Variants in ZNF331 observed in about 807,000 individuals in gnomAD.
ZNF331 encodes C2H2-like zinc finger protein rearranged in thyroid adenomas.
A neutral mutation model predicts 7.0 loss-of-function variants in ZNF331; 2 were observed. The ratio of observed to expected loss-of-function variants is 0.29; its 90% confidence interval spans 0.12 to 0.90. The LOEUF (loss-of-function observed/expected upper bound fraction) is 0.90, where lower values mean the gene tolerates loss of function less well. ZNF331 is among the 40% of genes least tolerant of loss of function. The probability of loss-of-function intolerance (pLI) is 0.58; values close to 1 mark genes in which losing one functional copy is unlikely to be tolerated. For synonymous variants in ZNF331, 196 were observed against 205.4 expected, an observed-to-expected ratio of 0.95 and a Z score of 0.39; for missense variants, 432 against 587.7, an observed-to-expected ratio of 0.74 and a Z score of 2.74.
intron 5 of ZNF331, among the ~76,000 whole-genome samples, chr19:53,575,574 A>T (rs1435576025): frequency 2.0e-5 from 3 of 147,400 alleles, no homozygotes; most frequent in African/African-American, 5.1e-5. Context: ...CCCGGGTTCA[A>T]GCGATTCTCC....
At chr19:53,518,484 C>A (rs1007547918), upstream of ZNF331, among the ~76,000 whole-genome samples, 3 of 152,096 alleles carry the variant, frequency 2.0e-5, no homozygotes, top group African/African-American at 7.2e-5. Flanking sequence ...TTCCTATAGA[C>A]ATATATCCTA....
intron 3 of ZNF331, among the ~76,000 whole-genome samples, chr19:53,559,980 TAC>T (rs1451513129): frequency 1.4e-5 from 2 of 147,400 alleles, no homozygotes; most frequent in African/African-American, 5.0e-5. Context: ...TACACATATA[TAC>T]ACACACCATA....
chr19:53,540,190 C>T (rs1391940489), intron 2 of ZNF331, among the ~76,000 whole-genome samples: 4 of 152,116 alleles, frequency 2.6e-5, no homozygotes, highest in African/African-American at 9.7e-5. Flanking sequence ...TTATTCTTAC[C>T]TTAGTCTGTA....
intron 3 of ZNF331, among the ~76,000 whole-genome samples, chr19:53,567,598 G>A (rs2090218089): frequency 6.6e-6 from 1 of 152,016 alleles, no homozygotes; most frequent in South Asian, 2.1e-4. Flanking sequence ...TATAATCCCA[G>A]CACCTTGGGA....
Position 53,576,807 on chromosome 19 carries a change from T to C in ZNF331, c.247T>C (p.Trp83Arg), listed in dbSNP as rs146144933. 632 of 1,614,012 alleles carry C rather than the reference T, an allele frequency of 3.9e-4. No homozygotes were observed. The highest frequency in any genetic ancestry group is 5.0e-4 in the Non-Finnish European group (592 of 1,180,054). Residue 83 changes from tryptophan to arginine, a missense_variant, in exon 6 of 6, where the codon TGG becomes CGG. Around this residue, in one of 3 missense-constraint regions of ZNF331, gnomAD observed 81 missense variants for 70.3 expected, o/e 1.15. Transcript: ENST00000449416. ...DRRSKSLGRN[W>R]ICEGTLERPQ... ...AAGAAGTAAATCCCTTGGCCGTAAC[T>C]GGATATGTGAAGGTACGCTTGAAAG... is the stretch of plus-strand genomic sequence containing the variant.
At chr19:53,568,629 G>C (rs959357388) in intron 3 of ZNF331, among the ~76,000 whole-genome samples, 2 of 151,976 alleles carry the variant, frequency 1.3e-5, no homozygotes, top group Admixed American at 1.3e-4. Context: ...GCACCAGAGG[G>C]CAAAGGCCAG....
intron 2 of ZNF331, among the ~76,000 whole-genome samples, chr19:53,540,355 C>T (rs1483732353): frequency 1.3e-5 from 2 of 152,158 alleles, no homozygotes; most frequent in African/African-American, 4.8e-5. Flanking sequence ...TGTCCTCTCA[C>T]GGAGGACATG....
In ZNF331 at chr19:53,539,164, T is replaced by C. The variant is rs1188337387; in HGVS notation, c.-204-52T>C. 2 of 152,150 alleles carry C rather than the reference T, an allele frequency of 1.3e-5. No individual in the cohort carries two copies. Among genetic ancestry groups the C allele is most frequent in the African/African-American group, 4.8e-5 (2 of 41,430 alleles). The allele number at this position is 152,150 out of a possible 1,614,324, so 9.4% of individuals were successfully genotyped here. A position where few individuals can be genotyped will look rare whatever the true frequency, so the allele number is the denominator to read the frequency against. On this transcript the variant is annotated intron_variant, in intron 1 of 5. Coordinates refer to ENST00000449416, the MANE Select transcript of ZNF331 (RefSeq NM_001079906.2). The surrounding 1 kb of genome is among the most constrained non-coding windows in gnomAD (Gnocchi z 6.1). The stretch of plus-strand genomic sequence containing the variant: ...CCATCTCGGGGCCTCGTATTTCTCA[T>C]TGGTTTTATTAGGTATGGCAGGTGT...
chr19:53,529,615 C>T (rs886343471), intron 2 of ZNF331, among the ~76,000 whole-genome samples: 2 of 152,214 alleles, frequency 1.3e-5, no homozygotes, highest in African/African-American at 4.8e-5. Flanking sequence ...AGAAAAAATT[C>T]CCTGAATATT....
intron 2 of ZNF331, among the ~76,000 whole-genome samples, chr19:53,543,326 G>A (rs985425156): frequency 6.6e-6 from 1 of 152,144 alleles, no homozygotes; most frequent in African/African-American, 2.4e-5. Flanking sequence ...GTGTAATGGT[G>A]CAATCTTGGT....
At chr19:53,517,073 T>C (rs1195561643), upstream of ZNF331, among the ~76,000 whole-genome samples, 1 of 151,930 alleles carries the variant, frequency 6.6e-6, no homozygotes, top group Admixed American at 6.6e-5. Context: ...CGTGGTAGAG[T>C]AGGCTAAGAT....
intron 3 of ZNF331, among the ~76,000 whole-genome samples, chr19:53,556,242 CAAAAAAAA>C (rs1160118053): frequency 2.4e-5 from 2 of 84,946 alleles, no homozygotes; most frequent in Admixed American, 1.4e-4. Flanking sequence ...GACTCCATCT[CAAAAAAAA>C]AAAAAAAAAA....
intron 3 of ZNF331, among the ~76,000 whole-genome samples, chr19:53,565,509 CT>C (rs1421467924): frequency 6.6e-6 from 1 of 151,746 alleles, no homozygotes. Context: ...CTTTTTTGTC[CT>C]TTATCCTTTT....
chr19:53,544,361 C>T (rs533085547), intron 2 of ZNF331, among the ~76,000 whole-genome samples: 121 of 150,052 alleles, frequency 8.1e-4, no homozygotes, highest in East Asian at 3.6e-3. Context: ...CTGGCTAACA[C>T]GGTGAAACCC....
At chr19:53,552,004 T>A (rs2089042578) in intron 2 of ZNF331, among the ~76,000 whole-genome samples, 1 of 152,180 alleles carries the variant, frequency 6.6e-6, no homozygotes, top group Admixed American at 6.6e-5. Flanking sequence ...CACTGACGCC[T>A]GTTGCCTTAC....
At chr19:53,544,444 C>T (rs1199526579) in intron 2 of ZNF331, among the ~76,000 whole-genome samples, 1 of 149,206 alleles carries the variant, frequency 6.7e-6, no homozygotes, top group Non-Finnish European at 1.5e-5. Flanking sequence ...ACTCGGGAGG[C>T]TGAGGCAGGA....
At chr19:53,536,764 G>T (rs1271076122), upstream of ZNF331, among the ~76,000 whole-genome samples, 1 of 152,156 alleles carries the variant, frequency 6.6e-6, no homozygotes. Context: ...TTAGCCGGGC[G>T]TGGTAGCGCA....
At chr19:53,505,243 GT>G in the ZNF331 span, among the ~76,000 whole-genome samples, 3 of 152,122 alleles carry the variant, frequency 2.0e-5, no homozygotes, top group African/African-American at 7.2e-5. Context: ...CAGCTTAGAG[GT>G]TTTTGGGAGG....
chr19:53,539,535 G>A lies in ZNF331; in HGVS notation c.-138+253G>A, dbSNP rs1303861631. 1.3e-5 allele frequency: 2 copies of A among 152,300 alleles called. No individual in the cohort carries two copies. The highest frequency in any genetic ancestry group is 2.4e-5 in the African/African-American group (1 of 41,548). The allele number at this position is 152,300 out of a possible 1,614,324, so 9.4% of individuals were successfully genotyped here. On this transcript the variant is annotated intron_variant, in intron 2 of 5. Coordinates refer to ENST00000449416, the MANE Select transcript of ZNF331 (RefSeq NM_001079906.2). This position sits in a 1 kb window ranked among gnomAD's most constrained non-coding sequence, Gnocchi z 6.1. ...TGGATGTCTGTACATCAGGAGCAAC[G>A]TACATATGAAGGTAACTGGGATGGG... is the stretch of plus-strand genomic sequence containing the variant.
Sources: gnomAD v4.1 joint callset for allele counts (sites outside exome capture counted in the v4.1 genomes callset) on GRCh38, gnomAD v4.1.1 for gene constraint, gnomAD v4.1.1 regional missense constraint, Gnocchi (gnomAD v3.1) non-coding constraint, MANE v1.5 for transcripts, NCBI Gene and HGNC (gene_info 2026-07-23, HGNC 2026-07-21) for gene names.